CCDC73: variants seen among roughly 807,000 people sequenced by gnomAD.
CCDC73 encodes the protein coiled-coil domain containing 73.
CCDC73 carries 95 observed loss-of-function variants against 116.5 expected under a neutral mutation model. That is an observed-to-expected ratio of 0.82 (90% CI 0.69 to 0.97). CCDC73 has a LOEUF of 0.97. Ranked by LOEUF, CCDC73 falls within the 50% of genes least tolerant of loss-of-function variation. CCDC73 has a pLI of 0.00. For missense variants in CCDC73, 1,066 were observed against 1,206.8 expected (o/e 0.88, Z 1.73); for synonymous variants, 398 against 401.3 (o/e 0.99, Z 0.10).
At chr11:32,667,695 A>G (rs184532685) in intron 9 of CCDC73, among the ~76,000 whole-genome samples, 6 of 152,064 alleles carry the variant, frequency 3.9e-5, no homozygotes, top group East Asian at 1.9e-4. Flanking sequence ...ACAAGCCCCA[A>G]TGAGATGAAC....
At chr11:32,829,838 C>T in the CCDC73 span, 34 of 985,290 alleles carry the variant, frequency 3.5e-5, no homozygotes, top group Non-Finnish European at 4.1e-5. Context: ...GAGACGCCGG[C>T]CCACTGCCCG....
chr11:32,608,953 C>T, intron 17 of CCDC73, among the ~76,000 whole-genome samples: 1 of 152,094 alleles, frequency 6.6e-6, no homozygotes, highest in Admixed American at 6.5e-5. Flanking sequence ...ATGCAGGGCA[C>T]CAAATCCCTA....
intron 3 of CCDC73, among the ~76,000 whole-genome samples, chr11:32,709,137 T>C (rs1849878493): frequency 6.6e-6 from 1 of 152,208 alleles, no homozygotes; most frequent in Non-Finnish European, 1.5e-5. Flanking sequence ...TGCCAAATAC[T>C]TTTTCTGTGT....
At chr11:32,641,150 T>A (rs1855729567) in intron 13 of CCDC73, among the ~76,000 whole-genome samples, 1 of 152,194 alleles carries the variant, frequency 6.6e-6, no homozygotes, top group Admixed American at 6.5e-5. Context: ...TATTTAGATA[T>A]CCATTACTAT....
At chr11:32,607,919 G>C (rs981916318) in intron 17 of CCDC73, among the ~76,000 whole-genome samples, 1 of 152,164 alleles carries the variant, frequency 6.6e-6, no homozygotes, top group African/African-American at 2.4e-5. Flanking sequence ...GCAAAAGAGA[G>C]CTTGTGCAGG....
intron 2 of CCDC73, among the ~76,000 whole-genome samples, chr11:32,743,440 A>G (rs1245316582): frequency 6.6e-6 from 1 of 152,194 alleles, no homozygotes; most frequent in Admixed American, 6.5e-5. Flanking sequence ...TGCTGGGTAA[A>G]TAACGAAATG....
chr11:32,635,248 G>A (rs1399009899), intron 14 of CCDC73, among the ~76,000 whole-genome samples: 5 of 152,128 alleles, frequency 3.3e-5, no homozygotes, highest in Admixed American at 2.0e-4. Context: ...ATAGGACTTA[G>A]AATAGAAAAA....
chr11:32,795,477 AAAG>A (rs201814851), upstream of CCDC73, among the ~76,000 whole-genome samples: 16,685 of 127,596 alleles, frequency 0.13, 1,050 homozygotes, highest in Non-Finnish European at 0.17. Flanking sequence ...TCAAAAAAAA[AAAG>A]AAAAGAAAAG....
intron 14 of CCDC73, among the ~76,000 whole-genome samples, chr11:32,627,737 G>A (rs962835180): frequency 3.9e-5 from 6 of 152,180 alleles, no homozygotes; most frequent in African/African-American, 9.6e-5. Flanking sequence ...ACCAAACACC[G>A]CATGTTCTCA....
Position 32,614,165 on chromosome 11 carries a change from T to G in CCDC73, c.2153A>C (p.Asn718Thr). The change falls in exon 16 of 18, where the codon AAT becomes ACT. Residue 718 changes from asparagine (N) to threonine (T), a missense_variant. By Grantham distance (65) the Asn-to-Thr change is moderately conservative (BLOSUM62 0). Coordinates refer to ENST00000335185, the MANE Select transcript of CCDC73 (RefSeq NM_001008391.4). ...HHVSYAAFSANSKLLLKNSDK... is the reference protein window; with the variant it reads ...HHVSYAAFSATSKLLLKNSDK... ...TGAGTTCTTCAGAAGTAGTTTTGAA[T>G]TAGCACTAAAAGCAGCATATGAAAC... 6.2e-7 allele frequency: 1 copy of G among 1,613,900 alleles called. No individual in the cohort carries two copies. Among genetic ancestry groups the G allele is most frequent in the Non-Finnish European group, 8.5e-7 (1 of 1,179,886 alleles).
intron 7 of CCDC73, chr11:32,682,243 A>G (rs1250205058): frequency 1.3e-5 from 2 of 151,908 alleles, no homozygotes; most frequent in Admixed American, 6.6e-5. Context: ...ACATTATTCA[A>G]TTTCACTATA....
At chr11:32,690,431 G>T (rs1856245039) in intron 6 of CCDC73, among the ~76,000 whole-genome samples, 1 of 152,152 alleles carries the variant, frequency 6.6e-6, no homozygotes, top group African/African-American at 2.4e-5. Context: ...CACCAGAGGG[G>T]TACTGATATG....
intron 1 of CCDC73, among the ~76,000 whole-genome samples, chr11:32,777,090 TTTTTC>T (rs1850543892): frequency 6.9e-6 from 1 of 144,150 alleles, no homozygotes; most frequent in African/African-American, 2.5e-5. Context: ...TGTAATCTTT[TTTTTC>T]TTTCTTTTTT....
At chr11:32,766,067 T>C (rs146965138) in intron 1 of CCDC73, among the ~76,000 whole-genome samples, 1,819 of 152,288 alleles carry the variant, frequency 0.012, 36 homozygotes, top group African/African-American at 0.041. Context: ...CATAAAATAC[T>C]GGCAAACCGA....
Position 32,702,853 on chromosome 11 carries a change from G to C in CCDC73, c.279+20C>G. On this transcript the variant is annotated intron_variant, in intron 4 of 17. Coordinates refer to ENST00000335185, the MANE Select transcript of CCDC73 (RefSeq NM_001008391.4). ...TGCAATATTTAAAATGGTAGTGTTT[G>C]TCTATCCTTATGAAATTACCTGCTT... is the stretch of plus-strand genomic sequence containing the variant. 6.6e-7 allele frequency: 1 copy of C among 1,526,066 alleles called. No homozygotes were observed. Among genetic ancestry groups the C allele is most frequent in the Non-Finnish European group, 9.1e-7 (1 of 1,099,766 alleles). The allele number at this position is 1,526,066 out of a possible 1,614,324, so 94.5% of individuals were successfully genotyped here. A position where few individuals can be genotyped will look rare whatever the true frequency, so the allele number is the denominator to read the frequency against.
At chr11:32,655,954 A>G (rs1378908237) in intron 9 of CCDC73, among the ~76,000 whole-genome samples, 1 of 152,134 alleles carries the variant, frequency 6.6e-6, no homozygotes, top group African/African-American at 2.4e-5. Flanking sequence ...GTGTATATTG[A>G]CTATATTAAA....
intron 2 of CCDC73, among the ~76,000 whole-genome samples, chr11:32,746,404 T>C (rs1217684754): frequency 6.6e-6 from 1 of 152,218 alleles, no homozygotes; most frequent in Admixed American, 6.5e-5. Context: ...GTTATGTGTC[T>C]TGGGGATGCT....
chr11:32,675,543 T>G, intron 9 of CCDC73, 22 bp downstream of exon 9: 1 of 1,391,500 alleles, frequency 7.2e-7, no homozygotes, highest in Non-Finnish European at 1.0e-6. Context: ...TACTTAGTAG[T>G]GTGAAACTGT....
chr11:32,733,999 G>A (rs1286099162), intron 2 of CCDC73, among the ~76,000 whole-genome samples: 1 of 152,038 alleles, frequency 6.6e-6, no homozygotes, highest in South Asian at 2.1e-4. Context: ...TTTTTGAAAA[G>A]ATCAACAAAA....
Sources: allele counts gnomAD v4.1 joint callset (sites outside exome capture counted in the v4.1 genomes callset), GRCh38; gene constraint gnomAD v4.1.1; transcripts MANE v1.5; gene names NCBI Gene and HGNC (gene_info 2026-07-23, HGNC 2026-07-21).